The following NTM variants were observed in gnomAD, a reference collection of about 807,000 sequenced individuals.
NTM encodes neurotrimin, also known as IgLON family member 2.
In NTM, 13 loss-of-function variants were observed where a neutral mutation model predicts 42.1. The observed-to-expected ratio is 0.31, with a 90% CI of 0.20 to 0.49. NTM has a LOEUF of 0.49. Ranked by LOEUF, NTM falls within the 20% of genes least tolerant of loss-of-function variation. The pLI is 0.99. For synonymous variants in NTM, 187 were observed against 179.2 expected (o/e 1.04, Z -0.35); for missense variants, 373 against 452.8 (o/e 0.82, Z 1.60).
chr11:131,925,361 C>CT lies in NTM; in HGVS notation c.167+13723dup, dbSNP rs560183312. Among the ~76,000 whole-genome samples the CT allele has an allele frequency of 9.3e-4, 127 of 137,284 alleles. 1 individual carries two copies. The highest frequency in any genetic ancestry group is 1.9e-3 in the Admixed American group (26 of 13,610). The allele number at this position is 137,284 out of a possible 152,430, so 90.1% of individuals were successfully genotyped here. ...GAAGAGAAAACCACTATTAGAGTTC[C>CT]TTTTTTTTTTCTTTCTTTTCTCTTT... On this transcript the variant is annotated intron_variant, in intron 2 of 8. Coordinates refer to ENST00000683400, the MANE Select transcript of NTM (RefSeq NM_001352005.2).
intron 1 of NTM, among the ~76,000 whole-genome samples, chr11:131,392,566 G>C (rs892970121): frequency 6.6e-6 from 1 of 152,214 alleles, no homozygotes; most frequent in Non-Finnish European, 1.5e-5. Context: ...ATAAAGCCTC[G>C]CCTTGAGAAG....
At chr11:131,643,943 G>A (rs2065454791) in intron 1 of NTM, among the ~76,000 whole-genome samples, 1 of 152,198 alleles carries the variant, frequency 6.6e-6, no homozygotes, top group South Asian at 2.1e-4. Flanking sequence ...TTGGCAATAT[G>A]GGCATAATCA....
intron 2 of NTM, among the ~76,000 whole-genome samples, chr11:132,075,004 A>G (rs894713439): frequency 6.6e-6 from 1 of 152,224 alleles, no homozygotes; most frequent in Non-Finnish European, 1.5e-5. Flanking sequence ...AAGAGTATAT[A>G]AAGATGCATA....
intron 4 of NTM, among the ~76,000 whole-genome samples, chr11:132,285,309 A>G (rs931069958): frequency 6.6e-6 from 1 of 152,188 alleles, no homozygotes; most frequent in African/African-American, 2.4e-5. Flanking sequence ...CTGTGGTCAC[A>G]GGACTATGGG....
At chr11:131,957,663 C>T (rs2061694793) in intron 2 of NTM, among the ~76,000 whole-genome samples, 1 of 152,178 alleles carries the variant, frequency 6.6e-6, no homozygotes, top group Non-Finnish European at 1.5e-5. Flanking sequence ...TAATTGCCAT[C>T]CCACTAGTCT....
intron 1 of NTM, among the ~76,000 whole-genome samples, chr11:131,816,054 A>G (rs1025881595): frequency 6.6e-6 from 1 of 152,178 alleles, no homozygotes; most frequent in African/African-American, 2.4e-5. Flanking sequence ...TTTATTTTCA[A>G]TTCAGGAAGC....
chr11:131,780,794 G>A (rs1373191600), intron 1 of NTM, among the ~76,000 whole-genome samples: 1 of 152,146 alleles, frequency 6.6e-6, no homozygotes, highest in East Asian at 1.9e-4. Context: ...GGTCCTTATG[G>A]TTCCCAGGTG....
At chr11:132,241,190 T>C (rs1022238794) in intron 4 of NTM, among the ~76,000 whole-genome samples, 1 of 152,248 alleles carries the variant, frequency 6.6e-6, no homozygotes, top group African/African-American at 2.4e-5. Context: ...GAAACACTTC[T>C]GGTCCAAAGC....
chr11:131,867,414 C>T (rs542411394), intron 1 of NTM, among the ~76,000 whole-genome samples: 12 of 151,536 alleles, frequency 7.9e-5, no homozygotes, highest in Non-Finnish European at 7.4e-5. Context: ...TGTGTGTTTA[C>T]GTCTGTGTGT....
intron 1 of NTM, among the ~76,000 whole-genome samples, chr11:131,626,867 C>A (rs2063153837): frequency 6.6e-6 from 1 of 152,168 alleles, no homozygotes; most frequent in South Asian, 2.1e-4. Flanking sequence ...AAGAGCCCAG[C>A]CCTTGTTCCC....
At chr11:131,537,283 C>T (rs905887425) in intron 1 of NTM, 1 of 151,790 alleles carries the variant, frequency 6.6e-6, no homozygotes, top group East Asian at 1.9e-4. Flanking sequence ...ATCTTGACAA[C>T]CCCTGATAAA....
At chr11:131,417,151 C>T (rs899068089) in intron 1 of NTM, among the ~76,000 whole-genome samples, 3 of 152,278 alleles carry the variant, frequency 2.0e-5, no homozygotes, top group Admixed American at 1.3e-4. Context: ...CATAGTTATC[C>T]TGACAACCTC....
chr11:131,649,921 C>T (rs1292200995), intron 1 of NTM, among the ~76,000 whole-genome samples: 2 of 152,152 alleles, frequency 1.3e-5, no homozygotes, highest in Non-Finnish European at 2.9e-5. Context: ...AATGACCTGC[C>T]CATAGGTCAA....
At chr11:132,018,121 GTC>G (rs1411351796) in intron 2 of NTM, among the ~76,000 whole-genome samples, 1 of 151,126 alleles carries the variant, frequency 6.6e-6, no homozygotes, top group African/African-American at 2.4e-5. Flanking sequence ...CTCTCCCTCT[GTC>G]TCTCTGTCTC....
At chr11:131,388,429 T>C (rs964025469) in intron 1 of NTM, among the ~76,000 whole-genome samples, 6 of 151,850 alleles carry the variant, frequency 4.0e-5, no homozygotes, top group Non-Finnish European at 8.8e-5. Context: ...TTTGGGTTTT[T>C]TTTTTTTTTT....
At chr11:131,675,996 C>T (rs184426931) in intron 1 of NTM, among the ~76,000 whole-genome samples, 2 of 152,140 alleles carry the variant, frequency 1.3e-5, no homozygotes, top group African/African-American at 4.8e-5. Flanking sequence ...GCAAGCAAAC[C>T]CCTTGGACCA....
chr11:131,608,566 A>C (rs2061197672), intron 1 of NTM, among the ~76,000 whole-genome samples: 1 of 152,182 alleles, frequency 6.6e-6, no homozygotes, highest in African/African-American at 2.4e-5. Context: ...TCCTGACCCC[A>C]GAGGCTGTGC....
At chr11:132,213,002 G>A (rs1361359777) in intron 4 of NTM, among the ~76,000 whole-genome samples, 1 of 152,106 alleles carries the variant, frequency 6.6e-6, no homozygotes, top group Non-Finnish European at 1.5e-5. Flanking sequence ...TATTAAGGGT[G>A]AGAAAATAGA....
chr11:132,023,802 G>T lies in NTM; in HGVS notation c.167+112154G>T, dbSNP rs578037104. ...GTTGTTGGTGGTTTTGTTGTTGGTG[G>T]TGGTGGTTTTGTTGTTGTTGTTGTT... is the stretch of plus-strand genomic sequence containing the variant. On this transcript the variant is annotated intron_variant, in intron 2 of 8. Transcript: ENST00000683400. 2.9e-4 allele frequency among the ~76,000 whole-genome samples: 35 copies of T among 118,654 alleles called. No individual in the cohort carries two copies. The South Asian group carries it at 7.9e-3, about 27-fold the overall frequency. The allele number at this position is 118,654 out of a possible 152,430, so 77.8% of individuals were successfully genotyped here.
Sources: allele counts gnomAD v4.1 joint callset (sites outside exome capture counted in the v4.1 genomes callset), GRCh38; gene constraint gnomAD v4.1.1; transcripts MANE v1.5; gene names NCBI Gene and HGNC (gene_info 2026-07-23, HGNC 2026-07-21).